The following SLC25A17 variants were observed in gnomAD, a reference collection of about 807,000 sequenced individuals.
SLC25A17 encodes the protein solute carrier family 25 member 17, also known as peroxisomal membrane protein PMP34.
In SLC25A17, 26 loss-of-function variants were observed where a neutral mutation model predicts 38.5. The observed-to-expected ratio is 0.68, with a 90% CI of 0.50 to 0.94. The LOEUF (loss-of-function observed/expected upper bound fraction) is 0.94, where lower values mean the gene tolerates loss of function less well. SLC25A17 is among the 40% of genes least tolerant of loss of function. The probability of loss-of-function intolerance (pLI) is 0.00; values close to 1 mark genes in which losing one functional copy is unlikely to be tolerated. For synonymous variants in SLC25A17, 139 were observed against 136.2 expected (o/e 1.02, Z -0.14); for missense variants, 333 against 372.7 (o/e 0.89, Z 0.88).
rs556807035 is a variant in SLC25A17 at position 40,809,358 on chromosome 22, C to G, written c.54+9837G>C. 2.4e-3 allele frequency among the ~76,000 whole-genome samples: 370 copies of G among 151,948 alleles called. 2 individuals carry two copies. The highest frequency in any genetic ancestry group is 4.4e-3 in the Non-Finnish European group (297 of 67,980). On this transcript the variant is annotated intron_variant, in intron 1 of 8. Transcript: ENST00000435456. ...AACAAACAAACAAAAAGGCTCACAC[C>G]TGTAACCCCACTTTGGGAGGCCGAG...
At position 40,777,373 on chromosome 22, in the gene SLC25A17, T is replaced by C. The variant is rs1182399233; in HGVS notation, c.452A>G (p.Asp151Gly). 6.2e-7 allele frequency: 1 copy of C among 1,608,464 alleles called. No homozygotes were observed. The highest frequency in any genetic ancestry group is 1.1e-5 in the South Asian group (1 of 90,526). The change falls in exon 6 of 9, where the codon GAT becomes GGT. Residue 151 changes from aspartate (D) to glycine (G), a missense_variant and splice_region_variant. Coordinates refer to ENST00000435456, the MANE Select transcript of SLC25A17 (RefSeq NM_006358.4). ...IVPTNYKGIIDAFHQIIRDEG... is the reference protein window; with the variant it reads ...IVPTNYKGIIGAFHQIIRDEG... ...ATCGCGAATGATCTGATGAAAAGCA[T>C]CTAAGCAAGAAATCAGGGACTTTTG...
intron 4 of SLC25A17, among the ~76,000 whole-genome samples, chr22:40,791,961 G>A (rs1345009645): frequency 6.6e-6 from 1 of 152,108 alleles, no homozygotes; most frequent in African/African-American, 2.4e-5. Flanking sequence ...ATTCACAACA[G>A]CCAAAAGATG....
chr22:40,811,499 G>C (rs2057581003), intron 1 of SLC25A17, among the ~76,000 whole-genome samples: 1 of 151,580 alleles, frequency 6.6e-6, no homozygotes, highest in African/African-American at 2.4e-5. Context: ...GTGCAATCGT[G>C]GCTCACTGCA....
Position 40,794,561 on chromosome 22 carries a change from G to C in SLC25A17, c.135C>G (p.Ser45=). ...CCAGGAGCACCATGTGTGTAGTTTT[G>C]GATTTTCTTTTCTCATCAACTACAA... ...LRLQVDEKRK[S]KTTHMVLLEI... is the part of the protein sequence containing the mutation. The change falls in exon 3 of 9, where the codon TCC becomes TCG. Residue 45 remains serine (S), a synonymous_variant. Coordinates refer to ENST00000435456, the MANE Select transcript of SLC25A17 (RefSeq NM_006358.4). The C allele has an allele frequency of 6.2e-7, 1 of 1,610,228 alleles. No individual in the cohort carries two copies. The highest frequency in any genetic ancestry group is 1.1e-5 in the South Asian group (1 of 90,908).
intron 2 of SLC25A17, among the ~76,000 whole-genome samples, chr22:40,795,135 T>G (rs1049971550): frequency 6.6e-6 from 1 of 152,182 alleles, no homozygotes; most frequent in Non-Finnish European, 1.5e-5. Context: ...ACCTCACCTT[T>G]GAGCTCCCTA....
chr22:40,797,540 G>T (rs1197714262), intron 2 of SLC25A17, among the ~76,000 whole-genome samples: 1 of 152,148 alleles, frequency 6.6e-6, no homozygotes, highest in Admixed American at 6.5e-5. Context: ...TGGCTTCTTA[G>T]AAAAGGATTG....
chr22:40,786,232 A>C (rs565271455), intron 4 of SLC25A17, among the ~76,000 whole-genome samples: 1 of 151,706 alleles, frequency 6.6e-6, no homozygotes, highest in East Asian at 1.9e-4. Context: ...AATCGCTTGA[A>C]CCCAGGTGGC....
chr22:40,790,136 T>C (rs2057372675), intron 4 of SLC25A17, among the ~76,000 whole-genome samples: 3 of 151,650 alleles, frequency 2.0e-5, no homozygotes, highest in Admixed American at 2.0e-4. Flanking sequence ...GGTCAGGAGT[T>C]TGAGACCAGC....
At chr22:40,797,423 C>T (rs912989912) in intron 2 of SLC25A17, 3 of 574,084 alleles carry the variant, frequency 5.2e-6, no homozygotes. Context: ...CCTACATTAG[C>T]AATGGCATTG....
At chr22:40,795,297 CT>C (rs1010479711) in intron 2 of SLC25A17, among the ~76,000 whole-genome samples, 236 of 143,518 alleles carry the variant, frequency 1.6e-3, no homozygotes, top group Middle Eastern at 3.6e-3. Flanking sequence ...ACATTTCTTC[CT>C]TTTTTTTTTT....
intron 1 of SLC25A17, among the ~76,000 whole-genome samples, chr22:40,817,827 G>A (rs988580014): frequency 1.3e-5 from 2 of 152,084 alleles, no homozygotes; most frequent in African/African-American, 2.4e-5. Context: ...AAACCTATTT[G>A]CCTCTTTGTT....
At chr22:40,771,042 T>C in intron 8 of SLC25A17, 61 bp from the exon 9 acceptor site, 1 of 1,377,882 alleles carries the variant, frequency 7.3e-7, no homozygotes. Flanking sequence ...ACATGCTACC[T>C]AGATAGCTAC....
At chr22:40,794,646 G>T (rs954313801) in intron 2 of SLC25A17, 66 bp from the exon 3 acceptor site, 3 of 866,546 alleles carry the variant, frequency 3.5e-6, no homozygotes, top group Non-Finnish European at 5.3e-6. Context: ...TTGAGACAGA[G>T]TCTCACTCTG....
chr22:40,798,813 G>A (rs924492626), intron 2 of SLC25A17, among the ~76,000 whole-genome samples: 22 of 151,668 alleles, frequency 1.5e-4, no homozygotes, highest in African/African-American at 5.3e-4. Context: ...CTAAAAAAGA[G>A]GTTCCTGTAA....
intron 1 of SLC25A17, among the ~76,000 whole-genome samples, chr22:40,811,329 G>C (rs1291647220): frequency 1.3e-5 from 2 of 151,520 alleles, no homozygotes; most frequent in African/African-American, 4.9e-5. Flanking sequence ...GGCCTCGAGT[G>C]ATCTACCCGT....
At chr22:40,777,757 G>C (rs892574692) in intron 5 of SLC25A17, among the ~76,000 whole-genome samples, 1 of 151,270 alleles carries the variant, frequency 6.6e-6, no homozygotes, top group African/African-American at 2.4e-5. Context: ...ACTCCAGCCT[G>C]GGTGACAGAG....
At chr22:40,779,356 A>G in intron 4 of SLC25A17, 3 of 1,104,934 alleles carry the variant, frequency 2.7e-6, no homozygotes, top group Non-Finnish European at 2.5e-6. Context: ...TCTCCAGATG[A>G]AGAGCAATAA....
intron 1 of SLC25A17, among the ~76,000 whole-genome samples, chr22:40,800,022 T>G (rs1249553875): frequency 6.6e-6 from 1 of 152,220 alleles, no homozygotes. Flanking sequence ...GACACATACT[T>G]TTATTCTGTG....
chr22:40,801,055 G>A (rs200130265), intron 1 of SLC25A17, among the ~76,000 whole-genome samples: 4 of 147,940 alleles, frequency 2.7e-5, no homozygotes, highest in East Asian at 2.0e-4. Context: ...AGTGAGCCGC[G>A]ATCATGCCAC....
Sources: gnomAD v4.1 joint callset for allele counts (sites outside exome capture counted in the v4.1 genomes callset) on GRCh38, gnomAD v4.1.1 for gene constraint, MANE v1.5 for transcripts, NCBI Gene and HGNC (gene_info 2026-07-23, HGNC 2026-07-21) for gene names.